The following SLC39A11 variants were observed in gnomAD, a reference collection of about 807,000 sequenced individuals.
The protein encoded by SLC39A11 is solute carrier family 39 member 11, also known as zinc transporter ZIP11.
SLC39A11 carries 33 observed loss-of-function variants against 36.1 expected under a neutral mutation model. The observed-to-expected ratio is 0.91, with a 90% CI of 0.69 to 1.22. SLC39A11 has a LOEUF of 1.22. Ranked by LOEUF, SLC39A11 falls within the 50% of genes most tolerant of loss-of-function variation. The pLI is 0.00. For missense variants in SLC39A11, 432 were observed against 430.3 expected (o/e 1.00, Z -0.03); for synonymous variants, 166 against 170.3 (o/e 0.97, Z 0.20).
chr17:73,077,809 T>C (rs1240166850), intron 3 of SLC39A11, among the ~76,000 whole-genome samples: 1 of 152,256 alleles, frequency 6.6e-6, no homozygotes, highest in Non-Finnish European at 1.5e-5. Context: ...TAAATGTTCA[T>C]GTTTTCATGC....
At chr17:72,927,488 T>G (rs2084116778) in intron 5 of SLC39A11, among the ~76,000 whole-genome samples, 1 of 152,178 alleles carries the variant, frequency 6.6e-6, no homozygotes, top group Non-Finnish European at 1.5e-5. Flanking sequence ...TGGAAGGCCA[T>G]CCCATGAGTT....
chr17:72,831,419 G>C lies in SLC39A11; in HGVS notation c.601+18215C>G, dbSNP rs9890019. Among the ~76,000 whole-genome samples, 570 of 152,282 alleles carry C rather than the reference G, an allele frequency of 3.7e-3. 1 individual carries two copies. The highest frequency in any genetic ancestry group is 5.6e-3 in the Non-Finnish European group (384 of 68,022). ...GTACCTTTATTTCTCAAGCAGGCTC[G>C]TGTCCATGACCTTATTTTATCCTCA... On this transcript the variant is annotated intron_variant, in intron 6 of 9. Coordinates refer to ENST00000255559, the MANE Select transcript of SLC39A11 (RefSeq NM_139177.4).
In SLC39A11 at chr17:73,069,726, T is replaced by G. The variant is rs184409948; in HGVS notation, c.147+15082A>C. ...GACAAAACTTAACCAATATTAACTT[T>G]GATCCTTTGCACTCAGGGTATCTTT... is the stretch of plus-strand genomic sequence containing the variant. On this transcript the variant is annotated intron_variant, in intron 3 of 9. Coordinates refer to ENST00000255559, the MANE Select transcript of SLC39A11 (RefSeq NM_139177.4). 4.3e-4 allele frequency among the ~76,000 whole-genome samples: 66 copies of G among 152,340 alleles called. No individual in the cohort carries two copies. The East Asian group carries it at 0.011, about 26-fold the overall frequency.
chr17:73,082,843 T>A (rs1208322721), intron 3 of SLC39A11, among the ~76,000 whole-genome samples: 1 of 100,750 alleles, frequency 9.9e-6, no homozygotes, highest in Non-Finnish European at 2.0e-5. Flanking sequence ...AAACCCCATC[T>A]CTACTAAAAC....
At chr17:73,011,763 G>A (rs2090535137) in intron 4 of SLC39A11, among the ~76,000 whole-genome samples, 1 of 150,476 alleles carries the variant, frequency 6.6e-6, no homozygotes, top group Non-Finnish European at 1.5e-5. Flanking sequence ...CTAGGTTCAA[G>A]CAATTCTCCT....
intron 7 of SLC39A11, among the ~76,000 whole-genome samples, chr17:72,665,588 A>G (rs2070719945): frequency 1.3e-5 from 2 of 151,486 alleles, no homozygotes; most frequent in Admixed American, 6.6e-5. Context: ...GGGTCTCACT[A>G]TATTTCCCCG....
intron 5 of SLC39A11, among the ~76,000 whole-genome samples, chr17:72,895,717 T>C (rs1227131511): frequency 1.3e-5 from 2 of 152,070 alleles, no homozygotes; most frequent in Admixed American, 6.6e-5. Flanking sequence ...CCATAGTGAG[T>C]TCTCTATTTT....
chr17:72,772,348 C>T (rs1045639212), intron 6 of SLC39A11, among the ~76,000 whole-genome samples: 2 of 152,180 alleles, frequency 1.3e-5, no homozygotes, highest in African/African-American at 2.4e-5. Flanking sequence ...AGCACAGTGG[C>T]GCACATCTGC....
At chr17:72,921,234 A>T (rs1250245557) in intron 5 of SLC39A11, among the ~76,000 whole-genome samples, 1 of 152,186 alleles carries the variant, frequency 6.6e-6, no homozygotes, top group Non-Finnish European at 1.5e-5. Flanking sequence ...ATGCTTCACG[A>T]GAACCTGCTG....
chr17:72,938,827 T>C (rs2084922829), intron 5 of SLC39A11, among the ~76,000 whole-genome samples: 1 of 152,204 alleles, frequency 6.6e-6, no homozygotes, highest in African/African-American at 2.4e-5. Context: ...CTTATAAATA[T>C]GATAGAACCT....
chr17:72,728,545 AG>A (rs1291590218), intron 7 of SLC39A11, among the ~76,000 whole-genome samples: 1 of 152,210 alleles, frequency 6.6e-6, no homozygotes, highest in African/African-American at 2.4e-5. Context: ...TTCAGCCTTA[AG>A]ATTTCTCTGG....
intron 6 of SLC39A11, among the ~76,000 whole-genome samples, chr17:72,827,052 T>A (rs1369793990): frequency 1.3e-5 from 2 of 152,164 alleles, no homozygotes; most frequent in Admixed American, 1.3e-4. Flanking sequence ...TACATGAAAG[T>A]ACAGAGCAGC....
At chr17:72,709,309 G>A (rs867922343) in intron 7 of SLC39A11, among the ~76,000 whole-genome samples, 7 of 152,128 alleles carry the variant, frequency 4.6e-5, no homozygotes, top group African/African-American at 9.6e-5. Context: ...TGGAGACAGG[G>A]TCTCATTATG....
intron 4 of SLC39A11, among the ~76,000 whole-genome samples, chr17:72,970,087 C>T (rs1247788557): frequency 6.6e-6 from 1 of 152,200 alleles, no homozygotes; most frequent in Non-Finnish European, 1.5e-5. Flanking sequence ...TTAATAGTCC[C>T]CAAACCATTT....
intron 5 of SLC39A11, among the ~76,000 whole-genome samples, chr17:72,871,402 T>C (rs1262474430): frequency 3.9e-5 from 6 of 152,138 alleles, no homozygotes; most frequent in Non-Finnish European, 5.9e-5. Flanking sequence ...TTTACATGTG[T>C]GCGGTGCCTT....
intron 1 of SLC39A11, among the ~76,000 whole-genome samples, chr17:73,091,238 G>A (rs377708601): frequency 6.6e-6 from 1 of 152,096 alleles, no homozygotes; most frequent in African/African-American, 2.4e-5. Context: ...GACCAGCCTG[G>A]CCAACACGGT....
In SLC39A11 at chr17:72,833,642, C is replaced by T. The variant is rs117387141; in HGVS notation, c.601+15992G>A. On this transcript the variant is annotated intron_variant, in intron 6 of 9. Transcript: ENST00000255559. ...ACAGGAGGCTGTTCTGTGAGAGGGG[C>T]TAAGCTGACATAGACCAATGATGTT... Among the ~76,000 whole-genome samples, 54 of 152,268 alleles carry T rather than the reference C, an allele frequency of 3.5e-4. No individual in the cohort carries two copies. The East Asian group carries it at 6.9e-3, about 20-fold the overall frequency.
chr17:73,071,012 C>A (rs1045063539), intron 3 of SLC39A11, among the ~76,000 whole-genome samples: 9 of 152,196 alleles, frequency 5.9e-5, no homozygotes, highest in Non-Finnish European at 1.2e-4. Flanking sequence ...CTCCACCCCC[C>A]AACCTCAGAG....
rs541983147 is a variant in SLC39A11 at position 73,072,091 on chromosome 17, CTATT to C, written c.147+12713_147+12716del. The stretch of plus-strand genomic sequence containing the variant: ...GCAACTTCAGAGCACTTACCCCTGA[CTATT>C]TAAACTGAATCTCTAGGCCCTTATT... On this transcript the variant is annotated intron_variant, in intron 3 of 9. Coordinates refer to ENST00000255559, the MANE Select transcript of SLC39A11 (RefSeq NM_139177.4). 3.3e-5 allele frequency among the ~76,000 whole-genome samples: 5 copies of C among 152,334 alleles called. No individual in the cohort carries two copies. In the South Asian group the frequency reaches 1.0e-3, roughly 32 times the overall value.
Sources: allele counts gnomAD v4.1 joint callset (sites outside exome capture counted in the v4.1 genomes callset), GRCh38; gene constraint gnomAD v4.1.1; transcripts MANE v1.5; gene names NCBI Gene and HGNC (gene_info 2026-07-23, HGNC 2026-07-21).